Variants in TOPAZ1 observed in about 807,000 individuals in gnomAD.
TOPAZ1 encodes the protein testis and ovary specific TOPAZ 1.
TOPAZ1 carries 66 observed loss-of-function variants against 172.2 expected under a neutral mutation model. That is an observed-to-expected ratio of 0.38 (90% CI 0.31 to 0.47). The LOEUF (loss-of-function observed/expected upper bound fraction) is 0.47. TOPAZ1 is among the 20% of genes least tolerant of loss of function. TOPAZ1 has a pLI of 0.99. For synonymous variants in TOPAZ1, 681 were observed against 683.9 expected (o/e 1.00, Z 0.07); for missense variants, 1,822 against 1,972.4 (o/e 0.92, Z 1.44).
chr3:44,270,802 G>T lies in TOPAZ1; in HGVS notation c.3364G>T (p.Asp1122Tyr), dbSNP rs1230980135. The change falls in exon 8 of 20, where the codon GAT (aspartate) becomes TAT (tyrosine). Residue 1122 changes from aspartate (D) to tyrosine (Y), a missense_variant. Coordinates refer to ENST00000309765, the MANE Select transcript of TOPAZ1 (RefSeq NM_001145030.2). ...GTTTGCTCATGTGCCTGAACAAGGGGATGAAAAGGTAAAACATATAAAGTC... is the reference window on the plus strand; with the variant it reads ...GTTTGCTCATGTGCCTGAACAAGGGTATGAAAAGGTAAAACATATAAAGTC... ...CKFAHVPEQG[D>Y]EKVCMDVFKK... 6.5e-7 allele frequency: 1 copy of T among 1,545,058 alleles called. No individual in the cohort carries two copies. Among genetic ancestry groups the T allele is most frequent in the Non-Finnish European group, 8.7e-7 (1 of 1,144,088 alleles).
At chr3:44,291,621 T>TG (rs1352680319) in intron 12 of TOPAZ1, among the ~76,000 whole-genome samples, 1 of 136,166 alleles carries the variant, frequency 7.3e-6, no homozygotes, top group Non-Finnish European at 1.6e-5. Context: ...AAATAAAAAC[T>TG]GAAAAAAAAA....
intron 12 of TOPAZ1, among the ~76,000 whole-genome samples, chr3:44,298,933 TTC>T (rs1278047958): frequency 4.1e-5 from 2 of 48,400 alleles, no homozygotes; most frequent in African/African-American, 1.3e-4. Flanking sequence ...TTTTTTTTTT[TTC>T]CCCCTGAGAT....
chr3:44,296,650 A>C (rs1262440852), intron 12 of TOPAZ1, among the ~76,000 whole-genome samples: 1 of 152,140 alleles, frequency 6.6e-6, no homozygotes, highest in African/African-American at 2.4e-5. Context: ...ACTATGGAAG[A>C]AATTTAATCC....
At chr3:44,267,787 A>T (rs1454385918) in intron 6 of TOPAZ1, among the ~76,000 whole-genome samples, 1 of 152,190 alleles carries the variant, frequency 6.6e-6, no homozygotes, top group Non-Finnish European at 1.5e-5. Context: ...TGAATTTAGA[A>T]TCTGTAAAAT....
intron 5 of TOPAZ1, among the ~76,000 whole-genome samples, chr3:44,265,183 G>A (rs1559530451): frequency 6.6e-6 from 1 of 152,328 alleles, no homozygotes; most frequent in Non-Finnish European, 1.5e-5. Context: ...CTAATTAAAT[G>A]TATTTCTTAA....
At position 44,267,075 on chromosome 3, in the gene TOPAZ1, AG is replaced by A; in HGVS notation, c.3100del (p.Val1034TyrfsTer4). 1 of 1,549,230 alleles carries A rather than the reference AG, an allele frequency of 6.5e-7. No homozygotes were observed. The highest frequency in any genetic ancestry group is 8.7e-7 in the Non-Finnish European group (1 of 1,145,794). On this transcript the variant is annotated frameshift_variant, in exon 6 of 20. Coordinates refer to ENST00000309765, the MANE Select transcript of TOPAZ1 (RefSeq NM_001145030.2). LOFTEE classifies it high-confidence loss of function. ...CAGTCCCGAAACCTCTGTGTTTATT[AG>A]TACCTCCTTTGAATCTAAGTGGTCG... is the stretch of plus-strand genomic sequence containing the variant. ...VPVPKPLCLL[V>X]PPLNLSGRQE...
intron 5 of TOPAZ1, 34 bp downstream of exon 5, chr3:44,262,517 A>ATTAG: frequency 9.1e-7 from 1 of 1,097,456 alleles, no homozygotes; most frequent in Non-Finnish European, 1.3e-6. Flanking sequence ...CATAACTTAA[A>ATTAG]ATAGTCACTC....
At chr3:44,328,187 C>A in intron 18 of TOPAZ1, 63 bp from the exon 19 acceptor site, 2 of 1,086,306 alleles carry the variant, frequency 1.8e-6, no homozygotes, top group Non-Finnish European at 1.3e-6. Context: ...GTAGGTATTT[C>A]AGAAATCTAG....
chr3:44,305,151 G>A lies in TOPAZ1; in HGVS notation c.3869G>A (p.Cys1290Tyr), dbSNP rs1426136304. ...LDSALNKLEH[C>Y]KEKGDWTKLG... ...TGTTTTTAATAATTTTGATAGCATTGTAAAGAAAAAGGTGACTGGACCAAA... is the reference window on the plus strand; with the variant it reads ...TGTTTTTAATAATTTTGATAGCATTATAAAGAAAAAGGTGACTGGACCAAA... Residue 1290 changes from cysteine to tyrosine, a missense_variant, in exon 14 of 20, where the codon TGT (cysteine) becomes TAT (tyrosine). Cys to Tyr is a radical substitution (Grantham distance 194). Around this residue, in one of 2 missense-constraint regions of TOPAZ1, gnomAD observed 333 missense variants for 481.7 expected, o/e 0.69. Transcript: ENST00000309765. 1 of 1,503,962 alleles carries A rather than the reference G, an allele frequency of 6.6e-7. No individual in the cohort carries two copies. 93.2% of individuals were successfully genotyped at this position (1,503,962 alleles called of 1,614,324 possible).
intron 15 of TOPAZ1, among the ~76,000 whole-genome samples, 198 bp downstream of exon 15, chr3:44,306,624 C>T (rs532822416): frequency 2.4e-4 from 36 of 152,258 alleles, no homozygotes; most frequent in Non-Finnish European, 4.0e-4. Context: ...AAACTGGATG[C>T]AGTGGCATGT....
At chr3:44,253,155 G>A (rs1259976073) in intron 2 of TOPAZ1, among the ~76,000 whole-genome samples, 1 of 152,170 alleles carries the variant, frequency 6.6e-6, no homozygotes. Context: ...CTTCTGGTTT[G>A]CAAAGCTTTT....
chr3:44,270,552 A>G lies in TOPAZ1; in HGVS notation c.3247-133A>G, dbSNP rs1468729168. 1.2e-4 allele frequency: 63 copies of G among 520,544 alleles called. No individual in the cohort carries two copies. In the East Asian group the frequency reaches 2.2e-3, roughly 18 times the overall value. The allele number at this position is 520,544 out of a possible 1,614,324, so 32.2% of individuals were successfully genotyped here. ...ATTGTTTGAAGTTTTATTTTTTCTTATTAAATTAGCAAACAAGTTATCTTG... is the reference window on the plus strand; with the variant it reads ...ATTGTTTGAAGTTTTATTTTTTCTTGTTAAATTAGCAAACAAGTTATCTTG... On this transcript the variant is annotated intron_variant, in intron 7 of 19. Coordinates refer to ENST00000309765, the MANE Select transcript of TOPAZ1 (RefSeq NM_001145030.2).
chr3:44,294,919 A>G (rs930732137), intron 12 of TOPAZ1, among the ~76,000 whole-genome samples: 1 of 152,240 alleles, frequency 6.6e-6, no homozygotes, highest in East Asian at 1.9e-4. Context: ...GTGACAATTT[A>G]TATGTGCCTA....
intron 16 of TOPAZ1, among the ~76,000 whole-genome samples, chr3:44,312,536 C>A (rs576103124): frequency 6.6e-5 from 10 of 152,254 alleles, no homozygotes; most frequent in Admixed American, 5.2e-4. Flanking sequence ...TGCGGAATAT[C>A]TCACACATTT....
Position 44,242,183 on chromosome 3 carries a change from C to G in TOPAZ1, c.130C>G (p.Arg44Gly). Reference protein sequence around the residue: ...GGCGPEAGGCRENKQKRRMVA... With the variant: ...GGCGPEAGGCGENKQKRRMVA... ...CTGTGGCCCTGAGGCCGGGGGGTGC[C>G]GGGAAAATAAGCAAAAGAGGAGAAT... The change falls in exon 1 of 20, where the codon CGG (arginine) becomes GGG (glycine). Residue 44 changes from arginine to glycine, a missense_variant. By Grantham distance (125) the Arg-to-Gly change is moderately radical. This residue lies in a region of TOPAZ1 where 1,489 missense variants were observed against 1,490.8 expected (regional missense o/e 1.00). Coordinates refer to ENST00000309765, the MANE Select transcript of TOPAZ1 (RefSeq NM_001145030.2). The G allele has an allele frequency of 6.5e-7, 1 of 1,542,186 alleles. No homozygotes were observed.
chr3:44,285,837 G>C (rs1008952490), intron 9 of TOPAZ1, among the ~76,000 whole-genome samples: 1 of 151,590 alleles, frequency 6.6e-6, no homozygotes, highest in African/African-American at 2.4e-5. Context: ...CAAAGTGCTG[G>C]AATTACAGGT....
rs939894576 is a variant in TOPAZ1, at chr3:44,242,085, C to T, written c.32C>T (p.Thr11Met). 9 of 1,546,800 alleles carry T rather than the reference C, an allele frequency of 5.8e-6. No homozygotes were observed. The highest frequency in any genetic ancestry group is 2.7e-5 in the African/African-American group (2 of 72,930). ...CGACCTCCACCCCTGGGCCCCACGACGGCCTCAGGGCCTGAAGGCAATGTG... is the reference window on the plus strand; with the variant it reads ...CGACCTCCACCCCTGGGCCCCACGATGGCCTCAGGGCCTGAAGGCAATGTG... MRRPPPLGPTTASGPEGNVRN... is the reference protein window; with the variant it reads MRRPPPLGPTMASGPEGNVRN... Residue 11 changes from threonine to methionine, a missense_variant, in exon 1 of 20, where the codon ACG becomes ATG. Thr to Met is a moderately conservative substitution (Grantham distance 81). Coordinates refer to ENST00000309765, the MANE Select transcript of TOPAZ1 (RefSeq NM_001145030.2).
rs189611258 is a variant in TOPAZ1, at chr3:44,250,143, A to G, written c.2766-4825A>G. On this transcript the variant is annotated intron_variant, in intron 2 of 19. Coordinates refer to ENST00000309765, the MANE Select transcript of TOPAZ1 (RefSeq NM_001145030.2). ...GCCGGGCAAATTATATCCTGTCTCA[A>G]GTAACTTACTTTCTCAGAGTCTGAC... Among the ~76,000 whole-genome samples, 7 of 151,802 alleles carry G rather than the reference A, an allele frequency of 4.6e-5. No homozygotes were observed. The East Asian group carries it at 1.4e-3, about 30-fold the overall frequency.
At chr3:44,329,111 C>G (rs1477387716) in intron 19 of TOPAZ1, among the ~76,000 whole-genome samples, 2 of 152,170 alleles carry the variant, frequency 1.3e-5, no homozygotes, top group Non-Finnish European at 2.9e-5. Context: ...TGTGACAAAC[C>G]AGATCCTCTG....
Sources: gnomAD v4.1 joint callset for allele counts (sites outside exome capture counted in the v4.1 genomes callset) on GRCh38, gnomAD v4.1.1 for gene constraint, gnomAD v4.1.1 regional missense constraint, MANE v1.5 for transcripts, NCBI Gene and HGNC (gene_info 2026-07-23, HGNC 2026-07-21) for gene names.